PRKAG2: variants seen among roughly 807,000 people sequenced by gnomAD.
The protein encoded by PRKAG2 is protein kinase AMP-activated non-catalytic subunit gamma 2.
In PRKAG2, 26 loss-of-function variants were observed where a neutral mutation model predicts 69.6. The ratio of observed to expected loss-of-function variants is 0.37; its 90% CI spans 0.27 to 0.52. PRKAG2 has a LOEUF of 0.52. PRKAG2 is among the 20% of genes least tolerant of loss of function. PRKAG2 has a pLI of 0.90. For missense variants in PRKAG2, 557 were observed against 740.0 expected (o/e 0.75, Z 2.87); for synonymous variants, 293 against 285.0 (o/e 1.03, Z -0.28).
intron 2 of PRKAG2, 38 bp downstream of exon 2, chr7:151,786,432 A>AC: frequency 6.4e-7 from 1 of 1,571,774 alleles, no homozygotes; most frequent in Non-Finnish European, 8.7e-7. Context: ...GTGGCACCTC[A>AC]AGTGAGCTGT....
chr7:151,773,023 A>AAGAGAGAGAG (rs1163334410), intron 3 of PRKAG2, among the ~76,000 whole-genome samples: 1 of 55,104 alleles, frequency 1.8e-5, no homozygotes, highest in Non-Finnish European at 3.5e-5. Flanking sequence ...GAAAGAAAGA[A>AAGAGAGAGAG]AGAGAGAGAG....
intron 1 of PRKAG2, among the ~76,000 whole-genome samples, chr7:151,848,012 T>C (rs2079475359): frequency 6.6e-6 from 1 of 152,110 alleles, no homozygotes. Flanking sequence ...TGCTAAAGAG[T>C]GCCCGTGGCC....
chr7:151,728,955 C>T (rs1000978309), intron 3 of PRKAG2, among the ~76,000 whole-genome samples: 6 of 152,236 alleles, frequency 3.9e-5, no homozygotes, highest in African/African-American at 1.2e-4. Context: ...TCCAAGGACA[C>T]GCACCAGAGC....
In PRKAG2 at chr7:151,638,972, A is replaced by G. The variant is rs137975061; in HGVS notation, c.685-6834T>C. Among the ~76,000 whole-genome samples, 75 of 152,270 alleles carry G rather than the reference A, an allele frequency of 4.9e-4. 1 individual carries two copies. The East Asian group carries it at 0.012, about 24-fold the overall frequency. ...CTGCAAGGGCGTCCTCCAAAGAGTA[A>G]AGAACGACGTGAAACCCCCTGGATG... On this transcript the variant is annotated intron_variant, in intron 4 of 15. Coordinates refer to ENST00000287878, the MANE Select transcript of PRKAG2 (RefSeq NM_016203.4). This position sits in a 1 kb window ranked among gnomAD's most constrained non-coding sequence, Gnocchi z 4.3.
chr7:151,839,868 A>G (rs1221639322), intron 1 of PRKAG2, among the ~76,000 whole-genome samples: 1 of 152,210 alleles, frequency 6.6e-6, no homozygotes, highest in Non-Finnish European at 1.5e-5. Flanking sequence ...CAGGAGCCAC[A>G]GCAGAGGAAG....
intron 3 of PRKAG2, among the ~76,000 whole-genome samples, chr7:151,714,989 G>A (rs73484138): frequency 0.36 from 53,806 of 149,222 alleles, 10,982 homozygotes; most frequent in East Asian, 0.83. Flanking sequence ...AAGAATATGT[G>A]ATGTTAAATT....
intron 14 of PRKAG2, among the ~76,000 whole-genome samples, chr7:151,562,912 G>A (rs982909040): frequency 1.2e-4 from 17 of 147,210 alleles, no homozygotes; most frequent in African/African-American, 3.3e-4. Context: ...CCGAGATCAC[G>A]CCACTGCACT....
At chr7:151,620,667 T>C (rs1821276138) in intron 5 of PRKAG2, among the ~76,000 whole-genome samples, 1 of 152,098 alleles carries the variant, frequency 6.6e-6, no homozygotes, top group Non-Finnish European at 1.5e-5. Context: ...TTTGTAGAGA[T>C]GGGAGTCTCG....
chr7:151,562,787 G>A (rs569342569), intron 14 of PRKAG2, among the ~76,000 whole-genome samples: 15 of 151,858 alleles, frequency 9.9e-5, no homozygotes, highest in Admixed American at 9.2e-4. Flanking sequence ...CTGACAAGGT[G>A]AAACCCCGTC....
chr7:151,834,250 T>C (rs74782537), intron 1 of PRKAG2, among the ~76,000 whole-genome samples: 34,148 of 152,124 alleles, frequency 0.22, 4,291 homozygotes, highest in Middle Eastern at 0.33. Context: ...TTAAACTGAC[T>C]CCCACTTCTA....
intron 1 of PRKAG2, among the ~76,000 whole-genome samples, chr7:151,843,441 C>G (rs556227794): frequency 6.6e-6 from 1 of 152,270 alleles, no homozygotes; most frequent in South Asian, 2.1e-4. Flanking sequence ...AGCTGTTGTT[C>G]TGAATTTCAA....
chr7:151,578,832 G>C (rs543458581), intron 6 of PRKAG2, among the ~76,000 whole-genome samples: 1 of 152,278 alleles, frequency 6.6e-6, no homozygotes, highest in East Asian at 1.9e-4. Context: ...CATTTGAATG[G>C]TTTGCTATTT....
intron 4 of PRKAG2, among the ~76,000 whole-genome samples, chr7:151,639,482 T>C (rs1049764403): frequency 6.6e-6 from 1 of 152,130 alleles, no homozygotes; most frequent in Admixed American, 6.6e-5. Flanking sequence ...GGCATGTGGG[T>C]CAGTGGACTG....
chr7:151,681,640 GC>G (rs1483486628), intron 3 of PRKAG2, among the ~76,000 whole-genome samples: 1 of 151,744 alleles, frequency 6.6e-6, no homozygotes, highest in Non-Finnish European at 1.5e-5. Flanking sequence ...ACACACTCTG[GC>G]CCCCTCTGCC....
At chr7:151,760,017 T>G (rs1334038960) in intron 3 of PRKAG2, among the ~76,000 whole-genome samples, 1 of 152,212 alleles carries the variant, frequency 6.6e-6, no homozygotes, top group Non-Finnish European at 1.5e-5. Flanking sequence ...ACCAAGTCAT[T>G]CCTACAGAGT....
chr7:151,610,744 T>C (rs1325395900), intron 5 of PRKAG2, among the ~76,000 whole-genome samples: 5 of 96,858 alleles, frequency 5.2e-5, no homozygotes, highest in Non-Finnish European at 1.0e-4. Flanking sequence ...CTTTTCTTTT[T>C]TTTTTTTTTT....
intron 4 of PRKAG2, among the ~76,000 whole-genome samples, chr7:151,651,203 A>G (rs1478310512): frequency 1.3e-5 from 2 of 152,210 alleles, no homozygotes; most frequent in Non-Finnish European, 2.9e-5. Flanking sequence ...GTTATTGTGT[A>G]ACAAAATGTG....
intron 14 of PRKAG2, 122 bp from the exon 15 acceptor site, chr7:151,560,739 G>T: frequency 7.8e-7 from 1 of 1,283,298 alleles, no homozygotes; most frequent in Non-Finnish European, 1.1e-6. Flanking sequence ...CTGGGGAATA[G>T]CAGTGAGACA....
chr7:151,595,450 T>A lies in PRKAG2; in HGVS notation c.759A>T (p.Val253=). The A allele has an allele frequency of 6.2e-7, 1 of 1,612,440 alleles. No individual in the cohort carries two copies. The highest frequency in any genetic ancestry group is 8.5e-7 in the Non-Finnish European group (1 of 1,178,704). ...LEKLEFEDEA[V]EDSESGVYMR... ...TGTAAACACCACTTTCTGAGTCTTC[T>A]ACTGCTAAAAGAAAAAAAGGCAAAA... Residue 253 remains valine, a synonymous_variant, in exon 6 of 16, where the codon GTA becomes GTT. Transcript: ENST00000287878.
Sources: gnomAD v4.1 joint callset for allele counts (sites outside exome capture counted in the v4.1 genomes callset) on GRCh38, gnomAD v4.1.1 for gene constraint, Gnocchi (gnomAD v3.1) non-coding constraint, MANE v1.5 for transcripts, NCBI Gene and HGNC (gene_info 2026-07-23, HGNC 2026-07-21) for gene names.